CAB39L: variants seen among roughly 807,000 people sequenced by gnomAD.
CAB39L encodes calcium binding protein 39 like.
In CAB39L, 23 loss-of-function variants were observed where a neutral mutation model predicts 39.1. That is an observed-to-expected ratio of 0.59 (90% CI 0.42 to 0.83). The LOEUF (loss-of-function observed/expected upper bound fraction) is 0.83. CAB39L is among the 40% of genes least tolerant of loss of function. CAB39L has a pLI of 0.00. For missense variants in CAB39L, 366 were observed against 391.9 expected, an observed-to-expected ratio of 0.93 and a Z score of 0.56; for synonymous variants, 126 against 137.2, an observed-to-expected ratio of 0.92 and a Z score of 0.57.
chr13:49,442,867 A>G (rs1017514376), intron 1 of CAB39L, among the ~76,000 whole-genome samples: 1 of 150,388 alleles, frequency 6.6e-6, no homozygotes. Flanking sequence ...TCCTGATGCG[A>G]GATGTCTTTA....
chr13:49,338,038 G>GCA (rs1954897826), intron 9 of CAB39L, among the ~76,000 whole-genome samples: 13 of 152,240 alleles, frequency 8.5e-5, no homozygotes, highest in Admixed American at 5.9e-4. Context: ...CTATTTACGG[G>GCA]TAATTGAGAA....
chr13:49,429,514 T>C (rs1294008894), intron 3 of CAB39L, among the ~76,000 whole-genome samples: 1 of 152,250 alleles, frequency 6.6e-6, no homozygotes, highest in African/African-American at 2.4e-5. Context: ...TTTTCATGCA[T>C]TATTTTTCCC....
At chr13:49,410,312 A>G (rs1339043261) in intron 3 of CAB39L, among the ~76,000 whole-genome samples, 2 of 152,202 alleles carry the variant, frequency 1.3e-5, no homozygotes, top group Admixed American at 6.5e-5. Flanking sequence ...TCAGTTAAGA[A>G]CATAAGATAC....
At chr13:49,363,965 G>GA (rs1246436963) in intron 5 of CAB39L, among the ~76,000 whole-genome samples, 1 of 151,722 alleles carries the variant, frequency 6.6e-6, no homozygotes, top group African/African-American at 2.4e-5. Flanking sequence ...TAAAGACATG[G>GA]AAAAAGATAT....
At chr13:49,396,683 G>A (rs559830814) in intron 3 of CAB39L, among the ~76,000 whole-genome samples, 55 of 152,162 alleles carry the variant, frequency 3.6e-4, no homozygotes, top group Middle Eastern at 3.4e-3. Context: ...ACTCCAGCCT[G>A]GGTGATATAG....
chr13:49,340,060 C>G (rs1216005539), intron 8 of CAB39L, among the ~76,000 whole-genome samples: 1 of 152,172 alleles, frequency 6.6e-6, no homozygotes, highest in Non-Finnish European at 1.5e-5. Context: ...ATGTAAGTAG[C>G]CTTGCTGGTG....
rs535419281 is a variant in CAB39L, at chr13:49,397,138, G to A, written c.-31-14197C>T. Among the ~76,000 whole-genome samples, 85 of 152,154 alleles carry A rather than the reference G, an allele frequency of 5.6e-4. 1 individual carries two copies. The highest frequency in any genetic ancestry group is 2.0e-3 in the African/African-American group (81 of 41,516). ...GAATCTTCCAATCAGTATCTTCTATGCTTCAATTTTTCCATTTTAAAATAT... is the reference window on the plus strand; with the variant it reads ...GAATCTTCCAATCAGTATCTTCTATACTTCAATTTTTCCATTTTAAAATAT... On this transcript the variant is annotated intron_variant, in intron 3 of 10. Coordinates refer to ENST00000409308, the MANE Select transcript of CAB39L (RefSeq NM_001079670.3).
intron 1 of CAB39L, among the ~76,000 whole-genome samples, chr13:49,438,959 G>C (rs1182095240): frequency 6.6e-6 from 1 of 152,178 alleles, no homozygotes; most frequent in East Asian, 1.9e-4. Flanking sequence ...GTGGCATTAA[G>C]TATATTCAGT....
chr13:49,343,081 A>G (rs1035599909), intron 8 of CAB39L, among the ~76,000 whole-genome samples: 1 of 152,202 alleles, frequency 6.6e-6, no homozygotes. Context: ...GAGGTAGAGC[A>G]TCTGAACCAA....
At chr13:49,377,509 C>G (rs1383623055) in intron 4 of CAB39L, among the ~76,000 whole-genome samples, 1 of 90,762 alleles carries the variant, frequency 1.1e-5, no homozygotes, top group Admixed American at 9.6e-5. Flanking sequence ...CTGCCTGATT[C>G]TCCTGCCTCA....
intron 3 of CAB39L, among the ~76,000 whole-genome samples, chr13:49,387,753 T>A (rs1260060172): frequency 1.3e-5 from 2 of 151,786 alleles, no homozygotes; most frequent in African/African-American, 4.8e-5. Flanking sequence ...GACAAAAAGC[T>A]CTTTTAGACA....
At chr13:49,311,881 G>T (rs1411626292) in intron 10 of CAB39L, among the ~76,000 whole-genome samples, 1 of 152,008 alleles carries the variant, frequency 6.6e-6, no homozygotes, top group African/African-American at 2.4e-5. Context: ...GTAAGCTAAG[G>T]TTATTTTTAT....
At chr13:49,356,904 T>C (rs1955502544) in intron 6 of CAB39L, among the ~76,000 whole-genome samples, 1 of 151,770 alleles carries the variant, frequency 6.6e-6, no homozygotes, top group South Asian at 2.1e-4. Context: ...AAAAAATTAG[T>C]GAGGCGTGGT....
intron 10 of CAB39L, among the ~76,000 whole-genome samples, chr13:49,314,629 C>T (rs1393424733): frequency 2.0e-5 from 3 of 152,186 alleles, no homozygotes; most frequent in African/African-American, 7.2e-5. Context: ...AATAAGGAAA[C>T]AGGCTGAGTC....
chr13:49,356,792 C>T (rs145719804), intron 6 of CAB39L, among the ~76,000 whole-genome samples: 19 of 152,190 alleles, frequency 1.2e-4, no homozygotes, highest in Admixed American at 9.8e-4. Flanking sequence ...GGGCTGGGTG[C>T]GGTAGCTCAT....
chr13:49,316,880 C>A (rs926164020), intron 10 of CAB39L, among the ~76,000 whole-genome samples: 1 of 152,058 alleles, frequency 6.6e-6, no homozygotes. Context: ...GACACAGAGA[C>A]GCTTAGGGAT....
intron 5 of CAB39L, 89 bp from the exon 6 acceptor site, chr13:49,359,921 C>T (rs1323858178): frequency 7.4e-6 from 5 of 673,308 alleles, no homozygotes; most frequent in Non-Finnish European, 1.3e-5. Flanking sequence ...TATATACACA[C>T]AGACAGAAAT....
intron 10 of CAB39L, among the ~76,000 whole-genome samples, chr13:49,323,588 A>C (rs187141759): frequency 2.6e-5 from 4 of 151,990 alleles, no homozygotes; most frequent in Admixed American, 2.0e-4. Flanking sequence ...AGCCGCCTGC[A>C]CAAAACATAG....
At chr13:49,384,079 G>A (rs1956304361) in intron 3 of CAB39L, among the ~76,000 whole-genome samples, 1 of 152,184 alleles carries the variant, frequency 6.6e-6, no homozygotes, top group African/African-American at 2.4e-5. Flanking sequence ...GATGCAGTTT[G>A]TTAGCATTTT....
Sources: gnomAD v4.1 joint callset for allele counts (sites outside exome capture counted in the v4.1 genomes callset) on GRCh38, gnomAD v4.1.1 for gene constraint, MANE v1.5 for transcripts, NCBI Gene and HGNC (gene_info 2026-07-23, HGNC 2026-07-21) for gene names.